PTTG1IP: variants seen among roughly 807,000 people sequenced by gnomAD.
PTTG1IP encodes the protein PTTG1 interacting protein, also known as pituitary tumor-transforming gene 1 protein-interacting protein.
In PTTG1IP, 16 loss-of-function variants were observed where a neutral mutation model predicts 24.4. The observed-to-expected ratio is 0.66, with a 90% CI of 0.44 to 1.00. PTTG1IP has a LOEUF of 1.00. Among genes scored for constraint, PTTG1IP ranks in the 50% least tolerant of loss-of-function variants. The pLI is 0.00. For missense variants in PTTG1IP, 241 were observed against 245.8 expected, an observed-to-expected ratio of 0.98 and a Z score of 0.13; for synonymous variants, 89 against 96.8, an observed-to-expected ratio of 0.92 and a Z score of 0.47.
rs1025621829 is a variant in PTTG1IP, at chr21:44,851,228, G to A, written c.*353C>T. On this transcript the variant is annotated 3_prime_UTR_variant, in exon 6 of 6. Coordinates refer to ENST00000330938, the MANE Select transcript of PTTG1IP (RefSeq NM_004339.4). ...AGCTTGTTAGTGGACAGAGAGAAAC[G>A]CAGGGTTCTGCCCTGGGAGAATGAC... The A allele has an allele frequency of 1.1e-5, 12 of 1,087,302 alleles. No homozygotes were observed. In the Admixed American group the frequency reaches 1.5e-4, roughly 13 times the overall value. The allele number at this position is 1,087,302 out of a possible 1,614,324, so 67.4% of individuals were successfully genotyped here. A position where few individuals can be genotyped will look rare whatever the true frequency, so the allele number is the denominator to read the frequency against.
At chr21:44,859,419 G>A (rs192634137) in intron 3 of PTTG1IP, among the ~76,000 whole-genome samples, 5 of 151,180 alleles carry the variant, frequency 3.3e-5, no homozygotes, top group Non-Finnish European at 7.4e-5. Context: ...TAGGCTATAA[G>A]CCGCGGTCCA....
intron 3 of PTTG1IP, among the ~76,000 whole-genome samples, chr21:44,857,522 G>A (rs568186666): frequency 8.3e-4 from 126 of 152,332 alleles, no homozygotes; most frequent in Non-Finnish European, 1.4e-3. Context: ...GCCTCCTGAA[G>A]ATGGCTTTAT....
At chr21:44,857,477 A>G (rs1408892509) in intron 3 of PTTG1IP, among the ~76,000 whole-genome samples, 1 of 152,232 alleles carries the variant, frequency 6.6e-6, no homozygotes, top group East Asian at 1.9e-4. Flanking sequence ...ACACGGCAAG[A>G]CACCATCTTG....
rs73238089 is a variant in PTTG1IP, at chr21:44,851,991, C to G, written c.497-364G>C. ...ACCTTACTTTGTGCTTATAGCTGCT[C>G]TTAAACCTTTGGAATTAAGGCTACA... On this transcript the variant is annotated intron_variant, in intron 5 of 5. Transcript: ENST00000330938. Among the ~76,000 whole-genome samples, 1,039 of 152,302 alleles carry G rather than the reference C, an allele frequency of 6.8e-3. 5 individuals carry two copies. Among genetic ancestry groups the G allele is most frequent in the Non-Finnish European group, 0.01 (696 of 68,022 alleles).
chr21:44,870,379 A>G (rs2083574598), intron 1 of PTTG1IP, among the ~76,000 whole-genome samples: 1 of 152,132 alleles, frequency 6.6e-6, no homozygotes, highest in Admixed American at 6.6e-5. Context: ...CATTTCTACT[A>G]AAAATACGAA....
At chr21:44,862,151 C>T (rs1007300288) in intron 2 of PTTG1IP, among the ~76,000 whole-genome samples, 7 of 152,220 alleles carry the variant, frequency 4.6e-5, no homozygotes, top group South Asian at 2.1e-4. Context: ...GGCCCGAAAG[C>T]GGTCTGTGAG....
chr21:44,871,017 A>G (rs531636470), intron 1 of PTTG1IP, among the ~76,000 whole-genome samples: 1 of 152,372 alleles, frequency 6.6e-6, no homozygotes, highest in African/African-American at 2.4e-5. Context: ...CAGCAGAACG[A>G]GCAGCCAAAC....
intron 3 of PTTG1IP, among the ~76,000 whole-genome samples, chr21:44,857,299 A>G (rs235320): frequency 0.2 from 30,736 of 152,104 alleles, 3,289 homozygotes; most frequent in Middle Eastern, 0.31. Context: ...CAACAAAGTG[A>G]GACCCAGCCC....
At chr21:44,867,422 CTGGGGGACGGCCATGCG>C (rs563611667) in intron 1 of PTTG1IP, among the ~76,000 whole-genome samples, 55 of 150,240 alleles carry the variant, frequency 3.7e-4, no homozygotes, top group African/African-American at 1.3e-3. Context: ...CAATGGCTGC[CTGGGGGACGGCCATGCG>C]TGGGGGAGGC....
chr21:44,869,451 T>C (rs2083567322), intron 1 of PTTG1IP, among the ~76,000 whole-genome samples: 1 of 152,182 alleles, frequency 6.6e-6, no homozygotes, highest in South Asian at 2.1e-4. Context: ...ATTATGATTG[T>C]CAATTTACAA....
chr21:44,850,670 C>T lies in PTTG1IP; in HGVS notation c.*911G>A, dbSNP rs2083404108. The stretch of plus-strand genomic sequence containing the variant: ...CGTCCCCACGATCCCTAAATGGCCA[C>T]CCCCCAGACAGCCCAACAGGCAGCG... On this transcript the variant is annotated 3_prime_UTR_variant, in exon 6 of 6. Coordinates refer to ENST00000330938, the MANE Select transcript of PTTG1IP (RefSeq NM_004339.4). The T allele has an allele frequency of 6.6e-6, 1 of 152,348 alleles. No individual in the cohort carries two copies. Among genetic ancestry groups the T allele is most frequent in the Non-Finnish European group, 1.5e-5 (1 of 68,140 alleles). 9.4% of individuals were successfully genotyped at this position (152,348 alleles called of 1,614,324 possible). A position where few individuals can be genotyped will look rare whatever the true frequency, so the allele number is the denominator to read the frequency against.
At chr21:44,868,758 T>C (rs1056047645) in intron 1 of PTTG1IP, among the ~76,000 whole-genome samples, 1 of 152,166 alleles carries the variant, frequency 6.6e-6, no homozygotes, top group Non-Finnish European at 1.5e-5. Context: ...CCAACACTAA[T>C]GCAGGCAAGA....
At chr21:44,860,121 C>A (rs2083478793) in intron 3 of PTTG1IP, among the ~76,000 whole-genome samples, 2 of 152,206 alleles carry the variant, frequency 1.3e-5, no homozygotes, top group African/African-American at 4.8e-5. Context: ...GTAATCCCAG[C>A]ACTTTGGGAG....
At chr21:44,866,698 C>G (rs1283545132) in intron 1 of PTTG1IP, among the ~76,000 whole-genome samples, 1 of 152,014 alleles carries the variant, frequency 6.6e-6, no homozygotes, top group African/African-American at 2.4e-5. Context: ...CACACACACA[C>G]ACACACAAAC....
At chr21:44,860,736 C>A (rs2083484754) in intron 3 of PTTG1IP, among the ~76,000 whole-genome samples, 1 of 152,200 alleles carries the variant, frequency 6.6e-6, no homozygotes, top group Non-Finnish European at 1.5e-5. Flanking sequence ...GGCTTCCCAA[C>A]CTCTCCCTGG....
intron 4 of PTTG1IP, 49 bp from the exon 5 acceptor site, chr21:44,855,305 T>G: frequency 8.3e-6 from 13 of 1,560,208 alleles, no homozygotes; most frequent in African/African-American, 1.4e-5. Context: ...CGCACGGTGG[T>G]GTAACTGCTA....
chr21:44,869,874 C>G (rs903824970), intron 1 of PTTG1IP, among the ~76,000 whole-genome samples: 4 of 152,216 alleles, frequency 2.6e-5, no homozygotes, highest in Non-Finnish European at 5.9e-5. Context: ...CTCAGCCCAA[C>G]AGTGGCTACA....
intron 2 of PTTG1IP, among the ~76,000 whole-genome samples, chr21:44,863,015 G>C (rs920937323): frequency 6.6e-6 from 1 of 151,264 alleles, no homozygotes; most frequent in Non-Finnish European, 1.5e-5. Context: ...TTTTCTGATC[G>C]ATGAAGTAAT....
chr21:44,871,833 A>G (rs2838722), intron 1 of PTTG1IP, among the ~76,000 whole-genome samples: 4,891 of 152,266 alleles, frequency 0.032, 261 homozygotes, highest in African/African-American at 0.11. Context: ...GTCCCCAGTG[A>G]GAGAAACAAC....
Sources: allele counts gnomAD v4.1 joint callset (sites outside exome capture counted in the v4.1 genomes callset), GRCh38; gene constraint gnomAD v4.1.1; transcripts MANE v1.5; gene names NCBI Gene and HGNC (gene_info 2026-07-23, HGNC 2026-07-21).